DNAJB12: variants seen among roughly 807,000 people sequenced by gnomAD.
DNAJB12 encodes DnaJ heat shock protein family (Hsp40) member B12, also known as dnaJ homolog subfamily B member 12.
In DNAJB12, 14 loss-of-function variants were observed where a neutral mutation model predicts 40.6. That is an observed-to-expected ratio of 0.34 (90% CI 0.23 to 0.54). The LOEUF is 0.54. Ranked by LOEUF, DNAJB12 falls within the 20% of genes least tolerant of loss-of-function variation. The pLI, the probability that DNAJB12 is intolerant of heterozygous loss-of-function variation, is 0.92. For missense variants in DNAJB12, 444 were observed against 501.7 expected (o/e 0.89, Z 1.10); for synonymous variants, 181 against 199.5 (o/e 0.91, Z 0.78).
intron 1 of DNAJB12, among the ~76,000 whole-genome samples, chr10:72,352,882 T>C (rs1217879782): frequency 6.6e-6 from 1 of 152,192 alleles, no homozygotes; most frequent in Non-Finnish European, 1.5e-5. Flanking sequence ...AATATATCTG[T>C]ATTACTCCCC....
At position 72,338,930 on chromosome 10, in the gene DNAJB12, C is replaced by T. The variant is rs768974416; in HGVS notation, c.724-619G>A. Among the ~76,000 whole-genome samples, 3 of 152,118 alleles carry T rather than the reference C, an allele frequency of 2.0e-5. No individual in the cohort carries two copies. In the South Asian group the frequency reaches 6.2e-4, roughly 32 times the overall value. On this transcript the variant is annotated intron_variant, in intron 5 of 8. Transcript: ENST00000444643. The stretch of plus-strand genomic sequence containing the variant: ...ACAAATATATTCACTGTGTGATAAT[C>T]TGTGATGTTAAACTCTTCTGTTGTT...
intron 1 of DNAJB12, among the ~76,000 whole-genome samples, chr10:72,348,843 T>C (rs540437220): frequency 2.0e-5 from 3 of 152,280 alleles, no homozygotes; most frequent in African/African-American, 7.2e-5. Flanking sequence ...TGATCTGCAT[T>C]AGCTCATTTA....
chr10:72,334,521 A>G lies in DNAJB12; in HGVS notation c.*127T>C. The G allele has an allele frequency of 1.3e-6, 2 of 1,520,406 alleles. No individual in the cohort carries two copies. The highest frequency in any genetic ancestry group is 3.9e-5 in the Admixed American group (2 of 50,960). 94.2% of individuals were successfully genotyped at this position (1,520,406 alleles called of 1,614,324 possible). A position where few individuals can be genotyped will look rare whatever the true frequency, so the allele number is the denominator to read the frequency against. ...TGTGCAGCGTTCGGCCTCCAATTCC[A>G]TTTTAATTTTGTTTCTTTGTTTGTC... On this transcript the variant is annotated 3_prime_UTR_variant, in exon 9 of 9. Transcript: ENST00000444643.
intron 2 of DNAJB12, among the ~76,000 whole-genome samples, chr10:72,344,605 G>C (rs1328803389): frequency 6.6e-6 from 1 of 152,226 alleles, no homozygotes; most frequent in East Asian, 1.9e-4. Flanking sequence ...AGAATCTGGA[G>C]GGGGAGACAA....
rs1861695055 is a variant in DNAJB12, at chr10:72,343,510, C to T, written c.313G>A (p.Val105Ile). The stretch of plus-strand genomic sequence containing the variant: ...TCATAGTAATCTTTACATTGCTTGA[C>T]CCTGGGGAAGGAGGAGACCATGGTA... ...TAEQVAAVKR[V>I]KQCKDYYEIL... The change falls in exon 3 of 9, where the codon GTC (valine) becomes ATC (isoleucine). Residue 105 changes from valine (V) to isoleucine (I), a missense_variant and splice_region_variant. Transcript: ENST00000444643. The T allele has an allele frequency of 1.9e-6, 3 of 1,614,086 alleles. No individual in the cohort carries two copies. The highest frequency in any genetic ancestry group is 4.5e-5 in the East Asian group (2 of 44,886).
At position 72,335,740 on chromosome 10, in the gene DNAJB12, C is replaced by G. The variant is rs552842881; in HGVS notation, c.*30+40G>C. 2.5e-6 allele frequency: 4 copies of G among 1,596,656 alleles called. No homozygotes were observed. In the African/African-American group the frequency reaches 5.3e-5, roughly 21 times the overall value. On this transcript the variant is annotated intron_variant, in intron 8 of 8. Transcript: ENST00000444643. This position sits in a 1 kb window ranked among gnomAD's most constrained non-coding sequence, Gnocchi z 4.4. ...CCTCTGCTCATGACCAGGGCCAAAGCTGCCAGGAGTTGCAGGGTGGAGGCA... is the reference window on the plus strand; with the variant it reads ...CCTCTGCTCATGACCAGGGCCAAAGGTGCCAGGAGTTGCAGGGTGGAGGCA...
chr10:72,337,859 T>C lies in DNAJB12; in HGVS notation c.833+343A>G, dbSNP rs564415402. On this transcript the variant is annotated intron_variant, in intron 6 of 8. Transcript: ENST00000444643. ...GCCGCCGAAATTATATGCAAAACTC[T>C]GTGTGTATATGTGTGCGTGTATGTG... 1.6e-4 allele frequency among the ~76,000 whole-genome samples: 24 copies of C among 152,244 alleles called. No homozygotes were observed. The South Asian group carries it at 4.6e-3, about 29-fold the overall frequency.
chr10:72,345,873 G>A (rs1367142932), intron 1 of DNAJB12, among the ~76,000 whole-genome samples: 3 of 138,694 alleles, frequency 2.2e-5, no homozygotes, highest in Non-Finnish European at 4.6e-5. Flanking sequence ...CAGCCTGGGC[G>A]ACAGAGCAAG....
rs1290807783 is a variant in DNAJB12 at position 72,334,787 on chromosome 10, C to T, written c.*31-170G>A. 4.3e-6 allele frequency: 6 copies of T among 1,389,268 alleles called. No individual in the cohort carries two copies. The African/African-American group carries it at 4.5e-5, about 11-fold the overall frequency. 86.1% of individuals were successfully genotyped at this position (1,389,268 alleles called of 1,614,324 possible). ...CCTCCTGCGGCAGCACAGAGGCAGG[C>T]ACAAATGGCCTCCAGGCAGAGTCAG... On this transcript the variant is annotated intron_variant, in intron 8 of 8. Transcript: ENST00000444643.
Position 72,334,298 on chromosome 10 carries a change from G to A in DNAJB12, c.*350C>T, listed in dbSNP as rs1861403231. The A allele has an allele frequency of 6.6e-6, 3 of 455,610 alleles. No homozygotes were observed. The highest frequency in any genetic ancestry group is 1.2e-5 in the Non-Finnish European group (3 of 257,364). The allele number at this position is 455,610 out of a possible 1,614,324, so 28.2% of individuals were successfully genotyped here. On this transcript the variant is annotated 3_prime_UTR_variant, in exon 9 of 9. Coordinates refer to ENST00000444643, the MANE Select transcript of DNAJB12 (RefSeq NM_017626.7). ...CCTGTGAGGGAGGAAAGGCAGCTGG[G>A]TGCCCCCTCCCCCAGCCCTTCCCAC...
intron 1 of DNAJB12, 56 bp downstream of exon 1, chr10:72,354,709 C>T (rs1015439057): frequency 2.0e-6 from 3 of 1,502,508 alleles, no homozygotes; most frequent in South Asian, 1.2e-5. Flanking sequence ...CGGTCCGTTC[C>T]CGTGTTCCCC....
At chr10:72,346,134 C>T (rs1861780875) in intron 1 of DNAJB12, among the ~76,000 whole-genome samples, 3 of 151,956 alleles carry the variant, frequency 2.0e-5, no homozygotes, top group African/African-American at 7.3e-5. Context: ...TTAATAAACC[C>T]TATAGTACTT....
intron 1 of DNAJB12, among the ~76,000 whole-genome samples, chr10:72,350,236 C>T (rs539196578): frequency 8.6e-5 from 13 of 151,372 alleles, no homozygotes; most frequent in South Asian, 2.1e-4. Context: ...CCTGTCTCTA[C>T]GAAAATAAAA....
At chr10:72,336,436 G>T in intron 7 of DNAJB12, 88 bp downstream of exon 7, 2 of 1,425,114 alleles carry the variant, frequency 1.4e-6, no homozygotes, top group Non-Finnish European at 1.9e-6. Context: ...CAGAGCACAG[G>T]GTGAGCAGGG....
At position 72,334,363 on chromosome 10, in the gene DNAJB12, A is replaced by G; in HGVS notation, c.*285T>C. 1 of 557,126 alleles carries G rather than the reference A, an allele frequency of 1.8e-6. No homozygotes were observed. Among genetic ancestry groups the G allele is most frequent in the African/African-American group, 2.0e-5 (1 of 50,034 alleles). 34.5% of individuals were successfully genotyped at this position (557,126 alleles called of 1,614,324 possible). A position where few individuals can be genotyped will look rare whatever the true frequency, so the allele number is the denominator to read the frequency against. Reference sequence around the variant, plus strand: ...AGTTTTACATTCTACTTTCGTTGCCATGGTTTCTGTATCCTAGGAGAGAGG... The same window carrying G: ...AGTTTTACATTCTACTTTCGTTGCCGTGGTTTCTGTATCCTAGGAGAGAGG... On this transcript the variant is annotated 3_prime_UTR_variant, in exon 9 of 9. Coordinates refer to ENST00000444643, the MANE Select transcript of DNAJB12 (RefSeq NM_017626.7).
intron 3 of DNAJB12, among the ~76,000 whole-genome samples, chr10:72,341,971 A>T (rs1861651538): frequency 1.3e-5 from 2 of 152,222 alleles, no homozygotes; most frequent in Admixed American, 1.3e-4. Context: ...TTCTCTCTTG[A>T]CGTGCCCAAT....
In DNAJB12 at chr10:72,334,237, C is replaced by T. The variant is rs1376359552; in HGVS notation, c.*411G>A. Reference sequence around the variant, plus strand: ...TTCTTCCTCCTATCTTTGGCCAGGGCCTCTGGCTTCTCCTGAGAGGTGGCT... The same window carrying T: ...TTCTTCCTCCTATCTTTGGCCAGGGTCTCTGGCTTCTCCTGAGAGGTGGCT... On this transcript the variant is annotated 3_prime_UTR_variant, in exon 9 of 9. Coordinates refer to ENST00000444643, the MANE Select transcript of DNAJB12 (RefSeq NM_017626.7). The T allele has an allele frequency of 2.7e-6, 1 of 365,406 alleles. No individual in the cohort carries two copies. The highest frequency in any genetic ancestry group is 5.0e-6 in the Non-Finnish European group (1 of 199,924). 22.6% of individuals were successfully genotyped at this position (365,406 alleles called of 1,614,324 possible). A position where few individuals can be genotyped will look rare whatever the true frequency, so the allele number is the denominator to read the frequency against.
At chr10:72,346,865 T>C (rs926516498) in intron 1 of DNAJB12, among the ~76,000 whole-genome samples, 1 of 152,252 alleles carries the variant, frequency 6.6e-6, no homozygotes, top group African/African-American at 2.4e-5. Context: ...TTTTTTCTAC[T>C]GAACTCATTC....
At position 72,345,031 on chromosome 10, in the gene DNAJB12, G is replaced by A; in HGVS notation, c.230C>T (p.Thr77Ile). Residue 77 changes from threonine (T) to isoleucine (I), a missense_variant, in exon 2 of 9, where the codon ACC becomes ATC. Transcript: ENST00000444643. ...THATHRKAGG[T>I]DAPSANGEAG... ...TTCACCGTTGGCCGAGGGGGCATCG[G>A]TCCCACCTGCTTTCCTGTGGGTGGC... The A allele has an allele frequency of 6.2e-7, 1 of 1,614,252 alleles. No homozygotes were observed. The highest frequency in any genetic ancestry group is 8.5e-7 in the Non-Finnish European group (1 of 1,180,046).
Sources: allele counts gnomAD v4.1 joint callset (sites outside exome capture counted in the v4.1 genomes callset), GRCh38; gene constraint gnomAD v4.1.1; non-coding constraint Gnocchi (gnomAD v3.1); transcripts MANE v1.5; gene names NCBI Gene and HGNC (gene_info 2026-07-23, HGNC 2026-07-21).